The following NEGR1 variants were observed in gnomAD, a reference collection of about 807,000 sequenced individuals.
NEGR1 encodes IgLON family member 4.
In NEGR1, 10 loss-of-function variants were observed where a neutral mutation model predicts 40.9. That is an observed-to-expected ratio of 0.24 (90% CI 0.15 to 0.42). The LOEUF (loss-of-function observed/expected upper bound fraction) is 0.42. Ranked by LOEUF, NEGR1 falls within the 10% of genes least tolerant of loss-of-function variation. The pLI, the probability that NEGR1 is intolerant of heterozygous loss-of-function variation, is 1.00. For missense variants in NEGR1, 352 were observed against 438.9 expected (o/e 0.80, Z 1.77); for synonymous variants, 185 against 166.8 (o/e 1.11, Z -0.84).
chr1:71,654,583 T>A (rs1651820382), intron 4 of NEGR1, among the ~76,000 whole-genome samples: 1 of 152,000 alleles, frequency 6.6e-6, no homozygotes, highest in Non-Finnish European at 1.5e-5. Flanking sequence ...CTATTATGGG[T>A]TTTTGGAAAG....
intron 2 of NEGR1, among the ~76,000 whole-genome samples, chr1:71,828,172 T>C (rs1191022626): frequency 6.6e-6 from 1 of 151,988 alleles, no homozygotes; most frequent in Non-Finnish European, 1.5e-5. Flanking sequence ...GCTCTTGCTC[T>C]GTATTGTAAT....
At chr1:71,845,431 T>C (rs766273867) in intron 2 of NEGR1, among the ~76,000 whole-genome samples, 1 of 152,150 alleles carries the variant, frequency 6.6e-6, no homozygotes, top group Non-Finnish European at 1.5e-5. Flanking sequence ...TCCCACATAA[T>C]GGACTCCATG....
At chr1:71,510,351 A>T (rs1647064582) in intron 6 of NEGR1, among the ~76,000 whole-genome samples, 1 of 152,228 alleles carries the variant, frequency 6.6e-6, no homozygotes, top group Admixed American at 6.5e-5. Flanking sequence ...GTGATTCAAG[A>T]ATCAAAAGGT....
intron 5 of NEGR1, among the ~76,000 whole-genome samples, chr1:71,602,245 T>C (rs1373820559): frequency 2.8e-5 from 3 of 105,570 alleles, no homozygotes; most frequent in African/African-American, 1.1e-4. Context: ...ATTCTTTTTT[T>C]TTTTTTTTTT....
chr1:71,673,288 T>C (rs1652498188), intron 4 of NEGR1, among the ~76,000 whole-genome samples: 1 of 152,178 alleles, frequency 6.6e-6, no homozygotes, highest in African/African-American at 2.4e-5. Context: ...ATCATACTAA[T>C]GGGTATCTTT....
intron 3 of NEGR1, among the ~76,000 whole-genome samples, chr1:71,711,652 A>C (rs184591594): frequency 5.3e-5 from 8 of 152,244 alleles, no homozygotes; most frequent in Middle Eastern, 3.4e-3. Context: ...CTCCTGCATA[A>C]ATAAAAACTT....
Position 71,947,748 on chromosome 1 carries a change from CA to C in NEGR1, c.177-12438del, listed in dbSNP as rs1309935464. On this transcript the variant is annotated intron_variant, in intron 1 of 6. Coordinates refer to ENST00000357731, the MANE Select transcript of NEGR1 (RefSeq NM_173808.3). ...GTAGGAACCAGAACCAGTCAAAATA[CA>C]GACATTCTCCAGCAGGTTGGTCACT... Among the ~76,000 whole-genome samples, 4 of 150,656 alleles carry C rather than the reference CA, an allele frequency of 2.7e-5. No homozygotes were observed. The East Asian group carries it at 7.9e-4, about 30-fold the overall frequency.
At chr1:72,140,344 T>G (rs11209918) in intron 1 of NEGR1, among the ~76,000 whole-genome samples, 8,080 of 152,108 alleles carry the variant, frequency 0.053, 501 homozygotes, top group East Asian at 0.33. Flanking sequence ...AAAATAAATT[T>G]ACTGGCTCAC....
intron 1 of NEGR1, among the ~76,000 whole-genome samples, chr1:72,025,310 G>A (rs1646797274): frequency 6.6e-6 from 1 of 152,098 alleles, no homozygotes; most frequent in African/African-American, 2.4e-5. Flanking sequence ...GAAGCCAAAT[G>A]ACCTTATATA....
chr1:72,019,929 T>A (rs1041440215), intron 1 of NEGR1, among the ~76,000 whole-genome samples: 1 of 152,220 alleles, frequency 6.6e-6, no homozygotes, highest in Non-Finnish European at 1.5e-5. Flanking sequence ...GCCAAGGGTT[T>A]CACATATTCT....
At position 71,405,706 on chromosome 1, in the gene NEGR1, T is replaced by G. The variant is rs1428168987; in HGVS notation, c.*1740A>C. 2 of 151,570 alleles carry G rather than the reference T, an allele frequency of 1.3e-5. No homozygotes were observed. Among genetic ancestry groups the G allele is most frequent in the Non-Finnish European group, 3.0e-5 (2 of 67,638 alleles). The allele number at this position is 151,570 out of a possible 1,614,324, so 9.4% of individuals were successfully genotyped here. On this transcript the variant is annotated 3_prime_UTR_variant, in exon 7 of 7. Coordinates refer to ENST00000357731, the MANE Select transcript of NEGR1 (RefSeq NM_173808.3). ...TTTACTTGAAGAAAAAAAATCACAG[T>G]TTTTAAGCCATCCCTGCTAGGGCAA...
chr1:71,498,207 A>T (rs1646977626), intron 6 of NEGR1, among the ~76,000 whole-genome samples: 1 of 151,346 alleles, frequency 6.6e-6, no homozygotes, highest in Non-Finnish European at 1.5e-5. Flanking sequence ...ATGTATTCAG[A>T]TTAATTTTAT....
intron 2 of NEGR1, among the ~76,000 whole-genome samples, chr1:71,836,117 T>C (rs958371198): frequency 2.6e-5 from 4 of 152,046 alleles, no homozygotes; most frequent in African/African-American, 9.7e-5. Flanking sequence ...CTGCATGTTA[T>C]TGACTTTGGA....
At chr1:72,022,288 T>C (rs867777161) in intron 1 of NEGR1, among the ~76,000 whole-genome samples, 1 of 105,102 alleles carries the variant, frequency 9.5e-6, no homozygotes, top group Non-Finnish European at 1.9e-5. Context: ...TATATATATA[T>C]ATATATATAT....
intron 3 of NEGR1, among the ~76,000 whole-genome samples, chr1:71,706,667 A>G (rs1045847316): frequency 2.0e-5 from 3 of 151,738 alleles, no homozygotes; most frequent in African/African-American, 7.3e-5. Flanking sequence ...CAGCAACAGC[A>G]GAATAGGGCA....
chr1:71,995,352 C>T (rs781128955), intron 1 of NEGR1, among the ~76,000 whole-genome samples: 5 of 152,000 alleles, frequency 3.3e-5, no homozygotes, highest in Non-Finnish European at 7.4e-5. Context: ...TATGAAAAAA[C>T]GGTTCTATGT....
chr1:71,573,947 G>C (rs1427395751), intron 6 of NEGR1, among the ~76,000 whole-genome samples: 1 of 152,154 alleles, frequency 6.6e-6, no homozygotes, highest in Non-Finnish European at 1.5e-5. Context: ...AGATTATTGG[G>C]AGACACTCCT....
rs954827958 is a variant in NEGR1, at chr1:71,916,255, T to C, written c.409+18824A>G. ...CTATTAATATTATAATTTTAAAAGTTAAATAAAGTATAAAGCATAAAGTTA... is the reference window on the plus strand; with the variant it reads ...CTATTAATATTATAATTTTAAAAGTCAAATAAAGTATAAAGCATAAAGTTA... On this transcript the variant is annotated intron_variant, in intron 2 of 6. Transcript: ENST00000357731. 7.4e-5 allele frequency among the ~76,000 whole-genome samples: 11 copies of C among 148,924 alleles called. No individual in the cohort carries two copies. The East Asian group carries it at 2.1e-3, about 29-fold the overall frequency.
At chr1:72,282,227 T>G in intron 1 of NEGR1, 92 bp downstream of exon 1, 1 of 1,407,546 alleles carries the variant, frequency 7.1e-7, no homozygotes, top group Non-Finnish European at 9.8e-7. Flanking sequence ...CCACCAGCAT[T>G]ATTGCTTGTG....
Sources: allele counts gnomAD v4.1 joint callset (sites outside exome capture counted in the v4.1 genomes callset), GRCh38; gene constraint gnomAD v4.1.1; transcripts MANE v1.5; gene names NCBI Gene and HGNC (gene_info 2026-07-23, HGNC 2026-07-21).